Variants in ZNG1B observed in about 807,000 individuals in gnomAD.
ZNG1B encodes zinc-regulated GTPase metalloprotein activator 1B.
At chr2:113,445,552 T>C in the ZNG1B span, 1 of 153,474 alleles carries the variant, frequency 6.5e-6, no homozygotes, top group African/African-American at 2.5e-5. Context: ...GTAAGTGCTG[T>C]GTAAGTAGTT....
chr2:113,452,393 T>G, the ZNG1B span, among the ~76,000 whole-genome samples: 1 of 151,380 alleles, frequency 6.6e-6, no homozygotes, highest in East Asian at 1.9e-4. Flanking sequence ...CTCATTCTTT[T>G]AGACAGCCCT....
At chr2:113,456,103 T>A in the ZNG1B span, among the ~76,000 whole-genome samples, 4 of 151,742 alleles carry the variant, frequency 2.6e-5, no homozygotes, top group Non-Finnish European at 4.4e-5. Context: ...GTTTGTCAAA[T>A]AGCTACCAAT....
At chr2:113,480,134 ATATT>A in the ZNG1B span, among the ~76,000 whole-genome samples, 1 of 150,912 alleles carries the variant, frequency 6.6e-6, no homozygotes, top group Non-Finnish European at 1.5e-5. Flanking sequence ...TCTTTTTTTT[ATATT>A]TATTTAATTA....
At chr2:113,465,257 A>T in the ZNG1B span, 1 of 431,002 alleles carries the variant, frequency 2.3e-6, no homozygotes, top group Non-Finnish European at 4.2e-6. Flanking sequence ...AATATGCTTG[A>T]TTCTAATATA....
chr2:113,479,092 G>A, the ZNG1B span, among the ~76,000 whole-genome samples: 1 of 150,896 alleles, frequency 6.6e-6, no homozygotes, highest in African/African-American at 2.4e-5. Flanking sequence ...GTTCCATTTA[G>A]TAGGAAGACA....
the ZNG1B span, among the ~76,000 whole-genome samples, chr2:113,474,071 C>T: frequency 2.0e-5 from 3 of 151,826 alleles, no homozygotes; most frequent in Non-Finnish European, 2.9e-5. Flanking sequence ...CGTACCAGTT[C>T]CTCCTTGTAC....
At chr2:113,445,357 T>C in the ZNG1B span, 1 of 293,644 alleles carries the variant, frequency 3.4e-6, no homozygotes, top group East Asian at 7.7e-5. Context: ...GCAGAGACGT[T>C]CTACCTCTAA....
At chr2:113,484,553 T>C in the ZNG1B span, among the ~76,000 whole-genome samples, 2 of 152,250 alleles carry the variant, frequency 1.3e-5, no homozygotes, top group Non-Finnish European at 2.9e-5. Context: ...TAGTTTTTTG[T>C]TTGTTTGTTT....
chr2:113,449,096 A>T, the ZNG1B span, among the ~76,000 whole-genome samples: 12 of 151,330 alleles, frequency 7.9e-5, no homozygotes, highest in African/African-American at 2.9e-4. Flanking sequence ...CTACCTTCCA[A>T]CTTTTCTTCT....
the ZNG1B span, among the ~76,000 whole-genome samples, chr2:113,473,198 T>A: frequency 5.3e-5 from 8 of 151,986 alleles, no homozygotes; most frequent in African/African-American, 1.9e-4. Flanking sequence ...AAGAGGTCCT[T>A]CACATCCCTT....
the ZNG1B span, chr2:113,444,362 G>C: frequency 1.3e-5 from 2 of 158,204 alleles, no homozygotes; most frequent in African/African-American, 4.8e-5. Context: ...ATGACTACTT[G>C]TACTGTTAAT....
the ZNG1B span, among the ~76,000 whole-genome samples, chr2:113,472,334 TG>T: frequency 2.6e-5 from 4 of 152,140 alleles, no homozygotes; most frequent in African/African-American, 9.7e-5. Flanking sequence ...TGGGGTTGTT[TG>T]TTTTTTTTCT....
chr2:113,461,169 C>T, the ZNG1B span, among the ~76,000 whole-genome samples: 42 of 150,954 alleles, frequency 2.8e-4, no homozygotes, highest in South Asian at 8.1e-3. Context: ...GCCTCAGCCT[C>T]CCAAGTAGCT....
the ZNG1B span, among the ~76,000 whole-genome samples, chr2:113,468,124 T>C: frequency 2.3e-4 from 35 of 149,924 alleles, no homozygotes; most frequent in Non-Finnish European, 3.1e-4. Context: ...TGTAAACGTT[T>C]TTGAGTTTGA....
chr2:113,484,663 G>GT, the ZNG1B span, among the ~76,000 whole-genome samples: 5 of 150,316 alleles, frequency 3.3e-5, no homozygotes, highest in Non-Finnish European at 7.4e-5. Flanking sequence ...TGTTTTTTTG[G>GT]TTTTTTTTGA....
chr2:113,461,046 TATAATAATAATA>T, the ZNG1B span, among the ~76,000 whole-genome samples: 1 of 147,442 alleles, frequency 6.8e-6, no homozygotes, highest in East Asian at 2.0e-4. Flanking sequence ...TATATATATG[TATAATAATAATA>T]ATTATTATTA....
chr2:113,477,635 G>A, the ZNG1B span, among the ~76,000 whole-genome samples: 1 of 152,128 alleles, frequency 6.6e-6, no homozygotes, highest in Non-Finnish European at 1.5e-5. Context: ...AGTTATTCTT[G>A]TGCATCAGTA....
the ZNG1B span, among the ~76,000 whole-genome samples, chr2:113,443,169 T>C: frequency 2.6e-5 from 4 of 151,974 alleles, no homozygotes; most frequent in Non-Finnish European, 5.9e-5. Flanking sequence ...GAGGTTTCAT[T>C]GTGTTAGCGA....
chr2:113,450,351 C>G, the ZNG1B span, among the ~76,000 whole-genome samples: 21,222 of 132,492 alleles, frequency 0.16, 2,006 homozygotes, highest in East Asian at 0.44. Context: ...TTTGCATTTA[C>G]TGTGATCATC....
Sources: allele counts gnomAD v4.1 joint callset (sites outside exome capture counted in the v4.1 genomes callset), GRCh38; gene constraint gnomAD v4.1.1; transcripts MANE v1.5; gene names NCBI Gene and HGNC (gene_info 2026-07-23, HGNC 2026-07-21).